The following SSH1 variants were observed in gnomAD, a reference collection of about 807,000 sequenced individuals.
The protein encoded by SSH1 is protein phosphatase Slingshot homolog 1.
Under a neutral mutation model 79.7 loss-of-function variants are expected in SSH1, and 43 were observed. The ratio of observed to expected loss-of-function variants is 0.54; its 90% confidence interval spans 0.42 to 0.70. The LOEUF is 0.70. Ranked by LOEUF, SSH1 falls within the 30% of genes least tolerant of loss-of-function variation. The pLI, the probability that SSH1 is intolerant of heterozygous loss-of-function variation, is 0.00. For missense variants in SSH1, 1,206 were observed against 1,358.8 expected, an observed-to-expected ratio of 0.89 and a Z score of 1.77; for synonymous variants, 599 against 538.3, an observed-to-expected ratio of 1.11 and a Z score of -1.56.
intron 14 of SSH1, chr12:108,791,847 G>A: frequency 1.0e-6 from 1 of 953,726 alleles, no homozygotes; most frequent in East Asian, 3.9e-5. Context: ...ATTGGTTCCA[G>A]GATCATCAGG....
chr12:108,853,629 G>T (rs1412538078), intron 1 of SSH1, among the ~76,000 whole-genome samples: 1 of 152,088 alleles, frequency 6.6e-6, no homozygotes, highest in African/African-American at 2.4e-5. Flanking sequence ...CTTCAACCAA[G>T]AATGAGTACA....
At chr12:108,831,715 T>C (rs2038478952) in intron 2 of SSH1, among the ~76,000 whole-genome samples, 1 of 152,210 alleles carries the variant, frequency 6.6e-6, no homozygotes, top group Non-Finnish European at 1.5e-5. Flanking sequence ...TTATGCTACA[T>C]GTACCTTATT....
intron 5 of SSH1, 29 bp downstream of exon 5, chr12:108,817,009 G>C: frequency 1.9e-6 from 3 of 1,612,998 alleles, no homozygotes; most frequent in Non-Finnish European, 2.5e-6. Flanking sequence ...CTCCCTCACA[G>C]AAGGGAACAC....
chr12:108,837,205 T>C (rs530973583), intron 2 of SSH1, among the ~76,000 whole-genome samples: 24 of 152,224 alleles, frequency 1.6e-4, no homozygotes, highest in Non-Finnish European at 2.9e-4. Flanking sequence ...GCACTCCAGC[T>C]TGGGCGACAG....
intron 2 of SSH1, among the ~76,000 whole-genome samples, chr12:108,826,957 C>T (rs1476411474): frequency 6.6e-6 from 1 of 151,272 alleles, no homozygotes; most frequent in Non-Finnish European, 1.5e-5. Context: ...ACAGACAAAA[C>T]GGAAATGTCT....
At chr12:108,826,863 C>T (rs912034060) in intron 2 of SSH1, among the ~76,000 whole-genome samples, 1 of 152,208 alleles carries the variant, frequency 6.6e-6, no homozygotes, top group Non-Finnish European at 1.5e-5. Context: ...AGCCATCCAT[C>T]CCAGCCACCC....
At chr12:108,844,508 C>T (rs868509335) in intron 2 of SSH1, among the ~76,000 whole-genome samples, 5 of 152,162 alleles carry the variant, frequency 3.3e-5, no homozygotes, top group African/African-American at 1.2e-4. Context: ...ACATCTGTAA[C>T]GCTGAATGGA....
chr12:108,849,579 T>C (rs1159953597), intron 2 of SSH1, among the ~76,000 whole-genome samples: 5 of 151,934 alleles, frequency 3.3e-5, no homozygotes, highest in Non-Finnish European at 7.4e-5. Flanking sequence ...AAAGTTTTAA[T>C]TTTAAAAAAG....
At chr12:108,792,244 A>G in intron 14 of SSH1, 42 bp downstream of exon 14, 1 of 1,613,988 alleles carries the variant, frequency 6.2e-7, no homozygotes, top group Non-Finnish European at 8.5e-7. Context: ...AGTGGGATGG[A>G]AGGGATGGGG....
At position 108,783,151 on chromosome 12, in the gene SSH1, T is replaced by G. The variant is rs2036176368; in HGVS notation, c.*4837A>C. 1 of 152,276 alleles carries G rather than the reference T, an allele frequency of 6.6e-6. No individual in the cohort carries two copies. Among genetic ancestry groups the G allele is most frequent in the South Asian group, 2.1e-4 (1 of 4,832 alleles). 9.4% of individuals were successfully genotyped at this position (152,276 alleles called of 1,614,324 possible). A position where few individuals can be genotyped will look rare whatever the true frequency, so the allele number is the denominator to read the frequency against. On this transcript the variant is annotated 3_prime_UTR_variant, in exon 15 of 15. Coordinates refer to ENST00000326495, the MANE Select transcript of SSH1 (RefSeq NM_018984.4). ...TGGCCTGCGCCACCCCACGGCTGGC[T>G]AGCAGACCAAGCTACGTTCTTTCAT... is the stretch of plus-strand genomic sequence containing the variant.
chr12:108,846,942 G>T (rs1319374002), intron 2 of SSH1, among the ~76,000 whole-genome samples: 1 of 152,136 alleles, frequency 6.6e-6, no homozygotes, highest in Admixed American at 6.5e-5. Context: ...TGTCACCCAG[G>T]ATGGAGTGCA....
At chr12:108,851,869 CT>C (rs912199958) in intron 2 of SSH1, among the ~76,000 whole-genome samples, 9 of 149,342 alleles carry the variant, frequency 6.0e-5, no homozygotes, top group African/African-American at 1.7e-4. Context: ...ATGATTATTA[CT>C]TTTTTTTTTA....
intron 2 of SSH1, among the ~76,000 whole-genome samples, chr12:108,838,281 AC>A (rs1397328440): frequency 6.6e-6 from 1 of 152,058 alleles, no homozygotes; most frequent in African/African-American, 2.4e-5. Flanking sequence ...CTGCCTCAGC[AC>A]TGTTTGCCCT....
Position 108,786,552 on chromosome 12 carries a change from CATATT to C in SSH1, c.*1431_*1435del, listed in dbSNP as rs1475795057. 1 of 152,228 alleles carries C rather than the reference CATATT, an allele frequency of 6.6e-6. No homozygotes were observed. Among genetic ancestry groups the C allele is most frequent in the African/African-American group, 2.4e-5 (1 of 41,458 alleles). 9.4% of individuals were successfully genotyped at this position (152,228 alleles called of 1,614,324 possible). A position where few individuals can be genotyped will look rare whatever the true frequency, so the allele number is the denominator to read the frequency against. Reference sequence around the variant, plus strand: ...TTTGTGGGCCACATGAATTCTGTCACATATTATTTCTTTTTTTTACAACTCCTTAA... The same window carrying C: ...TTTGTGGGCCACATGAATTCTGTCACATTTCTTTTTTTTACAACTCCTTAA... On this transcript the variant is annotated 3_prime_UTR_variant, in exon 15 of 15. Transcript: ENST00000326495.
chr12:108,817,299 C>T (rs1464515538), intron 4 of SSH1, 140 bp from the exon 5 acceptor site: 3 of 1,296,240 alleles, frequency 2.3e-6, no homozygotes, highest in African/African-American at 2.9e-5. Flanking sequence ...CTTGGCTGGG[C>T]ATGGTGGTTC....
At chr12:108,811,191 C>T in intron 6 of SSH1, 69 bp downstream of exon 6, 2 of 1,411,892 alleles carry the variant, frequency 1.4e-6, no homozygotes, top group South Asian at 2.3e-5. Flanking sequence ...TCCAAGGATG[C>T]CTGAACCAGC....
chr12:108,857,563 G>T lies in SSH1; in HGVS notation c.-67C>A, dbSNP rs1275748044. The stretch of plus-strand genomic sequence containing the variant: ...AGAGCCGCCACCGCCACCGCCGCCC[G>T]GGCCGGGCCCGGGGCCTCCTGGAGC... On this transcript the variant is annotated 5_prime_UTR_variant, in exon 1 of 15. Transcript: ENST00000326495. This position sits in a 1 kb window ranked among gnomAD's most constrained non-coding sequence, Gnocchi z 4.7. 1.0e-6 allele frequency: 1 copy of T among 967,296 alleles called. No homozygotes were observed. The highest frequency in any genetic ancestry group is 1.2e-6 in the Non-Finnish European group (1 of 809,560). The allele number at this position is 967,296 out of a possible 1,614,324, so 59.9% of individuals were successfully genotyped here.
intron 2 of SSH1, among the ~76,000 whole-genome samples, chr12:108,824,446 CTG>C (rs1027080781): frequency 6.7e-6 from 1 of 148,524 alleles, no homozygotes. Flanking sequence ...CAGAGCAAGA[CTG>C]TGTCTCAAAA....
intron 5 of SSH1, among the ~76,000 whole-genome samples, chr12:108,814,884 C>A (rs185845428): frequency 6.6e-6 from 1 of 151,896 alleles, no homozygotes; most frequent in Non-Finnish European, 1.5e-5. Context: ...GACGAGCGCA[C>A]GGGCCAGTCT....
Sources: allele counts gnomAD v4.1 joint callset (sites outside exome capture counted in the v4.1 genomes callset), GRCh38; gene constraint gnomAD v4.1.1; non-coding constraint Gnocchi (gnomAD v3.1); transcripts MANE v1.5; gene names NCBI Gene and HGNC (gene_info 2026-07-23, HGNC 2026-07-21).